Variants in SORBS2 observed in about 807,000 individuals in gnomAD.
The protein encoded by SORBS2 is sorbin and SH3 domain-containing protein 2.
A neutral mutation model predicts 97.7 loss-of-function variants in SORBS2; 46 were observed. That is an observed-to-expected ratio of 0.47 (90% CI 0.37 to 0.60). The LOEUF (loss-of-function observed/expected upper bound fraction) is 0.60, where lower values mean the gene tolerates loss of function less well. Ranked by LOEUF, SORBS2 falls within the 20% of genes least tolerant of loss-of-function variation. SORBS2 has a pLI of 0.00. For synonymous variants in SORBS2, 476 were observed against 473.4 expected (o/e 1.01, Z -0.07); for missense variants, 1,316 against 1,282.3 (o/e 1.03, Z -0.40).
At chr4:185,897,204 C>T (rs1475078581) in intron 1 of SORBS2, among the ~76,000 whole-genome samples, 1 of 152,204 alleles carries the variant, frequency 6.6e-6, no homozygotes, top group East Asian at 1.9e-4. Flanking sequence ...ATTACTCTAA[C>T]TTTCGCTCCG....
At chr4:185,586,623 C>T (rs2095803627) in exon 15 of SORBS2, 2 of 152,556 alleles carry the variant, frequency 1.3e-5, no homozygotes, top group African/African-American at 4.8e-5. Flanking sequence ...TACAACATAT[C>T]ATATGGATTA....
intron 4 of SORBS2, among the ~76,000 whole-genome samples, chr4:185,669,118 C>T (rs2097667434): frequency 6.6e-6 from 1 of 152,166 alleles, no homozygotes; most frequent in South Asian, 2.1e-4. Context: ...CACTGGAGCT[C>T]CTGAGGAATG....
chr4:185,830,128 A>T (rs1288385566), intron 1 of SORBS2, among the ~76,000 whole-genome samples: 5 of 152,178 alleles, frequency 3.3e-5, no homozygotes, highest in Non-Finnish European at 7.3e-5. Flanking sequence ...TGATTTTTCC[A>T]AGTCAAACGG....
intron 2 of SORBS2, among the ~76,000 whole-genome samples, chr4:185,706,477 A>C (rs2098342949): frequency 6.6e-6 from 1 of 152,206 alleles, no homozygotes; most frequent in African/African-American, 2.4e-5. Flanking sequence ...AGTATACACA[A>C]ATGGATAAAC....
chr4:185,626,563 T>C (rs1581259589), intron 6 of SORBS2, among the ~76,000 whole-genome samples: 1 of 152,248 alleles, frequency 6.6e-6, no homozygotes, highest in Non-Finnish European at 1.5e-5. Flanking sequence ...TGATACATTA[T>C]TTGATACTTT....
chr4:185,589,001 T>C (rs905999723), intron 14 of SORBS2, among the ~76,000 whole-genome samples: 1 of 152,152 alleles, frequency 6.6e-6, no homozygotes, highest in Non-Finnish European at 1.5e-5. Context: ...CACCGATGGA[T>C]GTCTAGAGTG....
intron 1 of SORBS2, among the ~76,000 whole-genome samples, chr4:185,654,130 C>G (rs922721923): frequency 5.3e-5 from 8 of 152,112 alleles, no homozygotes; most frequent in African/African-American, 1.9e-4. Context: ...CACTTGACTT[C>G]GTTATGAGTC....
intron 13 of SORBS2, among the ~76,000 whole-genome samples, chr4:185,590,027 C>T (rs760227072): frequency 7.2e-5 from 11 of 152,058 alleles, no homozygotes; most frequent in Non-Finnish European, 1.0e-4. Flanking sequence ...TTGAAACTCA[C>T]GAGGAATATC....
chr4:185,794,855 T>C (rs1408054415), intron 1 of SORBS2, among the ~76,000 whole-genome samples: 1 of 152,018 alleles, frequency 6.6e-6, no homozygotes, highest in African/African-American at 2.4e-5. Flanking sequence ...GGGAAGGATA[T>C]AACAGGACTG....
At chr4:185,689,261 G>A (rs1416420882) in intron 2 of SORBS2, among the ~76,000 whole-genome samples, 1 of 152,186 alleles carries the variant, frequency 6.6e-6, no homozygotes, top group Non-Finnish European at 1.5e-5. Context: ...AGTCTACAGG[G>A]AAATGTCTTG....
At chr4:185,711,011 C>G (rs1259101674) in intron 2 of SORBS2, among the ~76,000 whole-genome samples, 1 of 152,008 alleles carries the variant, frequency 6.6e-6, no homozygotes, top group Non-Finnish European at 1.5e-5. Flanking sequence ...TCTCCATTGC[C>G]CAGGCTGGAG....
intron 2 of SORBS2, among the ~76,000 whole-genome samples, chr4:185,743,441 A>C (rs781416326): frequency 4.6e-5 from 7 of 152,216 alleles, no homozygotes; most frequent in Non-Finnish European, 8.8e-5. Context: ...AAGCAAAAGC[A>C]GTCCCAAACC....
intron 2 of SORBS2, among the ~76,000 whole-genome samples, chr4:185,682,135 G>A (rs1479819331): frequency 6.6e-6 from 1 of 151,958 alleles, no homozygotes. Flanking sequence ...TGTGAGTCTG[G>A]GAAACGATTA....
At chr4:185,635,636 T>C (rs2096983532) in intron 4 of SORBS2, among the ~76,000 whole-genome samples, 1 of 152,128 alleles carries the variant, frequency 6.6e-6, no homozygotes, top group Non-Finnish European at 1.5e-5. Flanking sequence ...TTGGCTAGTG[T>C]TCAATTAGTA....
chr4:185,829,684 T>C (rs962281969), intron 1 of SORBS2, among the ~76,000 whole-genome samples: 4 of 152,238 alleles, frequency 2.6e-5, no homozygotes, highest in African/African-American at 7.2e-5. Flanking sequence ...TCTTAATTTC[T>C]GGCACATAGT....
chr4:185,625,827 T>G (rs1332241342), intron 6 of SORBS2, among the ~76,000 whole-genome samples: 1 of 152,202 alleles, frequency 6.6e-6, no homozygotes, highest in Non-Finnish European at 1.5e-5. Context: ...CAGAATACCT[T>G]TTGCACACAA....
chr4:185,700,662 C>G (rs1298044818), intron 2 of SORBS2, among the ~76,000 whole-genome samples: 1 of 152,084 alleles, frequency 6.6e-6, no homozygotes, highest in Non-Finnish European at 1.5e-5. Context: ...GGTTTTTAAC[C>G]ATCTGGTTCA....
chr4:185,811,820 C>T (rs2153667810), intron 1 of SORBS2: 1 of 152,630 alleles, frequency 6.6e-6, no homozygotes, highest in Non-Finnish European at 1.5e-5. Flanking sequence ...CAGCACACAC[C>T]TGCTTTTTCA....
intron 1 of SORBS2, among the ~76,000 whole-genome samples, chr4:185,935,911 G>A (rs936470356): frequency 2.0e-5 from 3 of 152,210 alleles, no homozygotes; most frequent in African/African-American, 7.2e-5. Flanking sequence ...GAGTGCATTG[G>A]TATGATCTCG....
Sources: gnomAD v4.1 joint callset for allele counts (sites outside exome capture counted in the v4.1 genomes callset) on GRCh38, gnomAD v4.1.1 for gene constraint, MANE v1.5 for transcripts, NCBI Gene and HGNC (gene_info 2026-07-23, HGNC 2026-07-21) for gene names.